The following HYDIN variants were observed in gnomAD, a reference collection of about 807,000 sequenced individuals.
HYDIN encodes axonemal central pair apparatus protein HYDIN.
A neutral mutation model predicts 403.9 loss-of-function variants in HYDIN; 132 were observed. That is an observed-to-expected ratio of 0.33 (90% CI 0.28 to 0.38). The LOEUF (loss-of-function observed/expected upper bound fraction) is 0.38, where lower values mean the gene tolerates loss of function less well. Among genes scored for constraint, HYDIN ranks in the 10% least tolerant of loss-of-function variants. The pLI, the probability that HYDIN is intolerant of heterozygous loss-of-function variation, is 1.00. For synonymous variants in HYDIN, 1,202 were observed against 1,891.7 expected (o/e 0.64, Z 9.46); for missense variants, 2,827 against 5,009.5 (o/e 0.56, Z 13.15).
intron 45 of HYDIN, among the ~76,000 whole-genome samples, chr16:70,922,760 A>G (rs1311029991): frequency 6.8e-6 from 1 of 147,716 alleles, no homozygotes; most frequent in Non-Finnish European, 1.5e-5. Flanking sequence ...TTGGAAGTTT[A>G]TATGTCTTTA....
intron 45 of HYDIN, among the ~76,000 whole-genome samples, chr16:70,922,328 G>C (rs1451634348): frequency 1.3e-5 from 2 of 152,256 alleles, no homozygotes; most frequent in Non-Finnish European, 2.9e-5. Context: ...GGAAGGACTT[G>C]TACTTGCAAG....
intron 24 of HYDIN, 117 bp from the exon 25 acceptor site, chr16:70,991,513 G>C (rs879229553): frequency 6.7e-7 from 1 of 1,485,508 alleles, no homozygotes; most frequent in Non-Finnish European, 9.0e-7. Flanking sequence ...CAAACGTAAG[G>C]GGGATTCTCA....
intron 23 of HYDIN, among the ~76,000 whole-genome samples, chr16:70,994,375 A>C (rs940092045): frequency 2.7e-4 from 41 of 152,074 alleles, no homozygotes; most frequent in African/African-American, 9.4e-4. Flanking sequence ...ACTATTCTGC[A>C]CCTTGTCTGT....
intron 45 of HYDIN, among the ~76,000 whole-genome samples, chr16:70,931,208 C>CTTTTTTTT (rs2077313550): frequency 1.3e-5 from 1 of 78,270 alleles, no homozygotes; most frequent in African/African-American, 4.0e-5. Context: ...TCTCTTTCTT[C>CTTTTTTTT]TGTTTTTTTT....
chr16:70,837,613 G>C (rs1183155064), intron 77 of HYDIN, 77 bp downstream of exon 77: 10 of 1,504,066 alleles, frequency 6.6e-6, no homozygotes, highest in Non-Finnish European at 3.7e-6. Context: ...AGGGTGAAGG[G>C]GTTCTGGGGG....
At position 70,920,803 on chromosome 16, in the gene HYDIN, G is replaced by A. The variant is rs567604956; in HGVS notation, c.7573C>T (p.Arg2525Cys). Residue 2525 changes from arginine (R) to cysteine (C), a missense_variant, in exon 46 of 86, where the codon CGC (arginine) becomes TGC (cysteine). Coordinates refer to ENST00000393567, the MANE Select transcript of HYDIN (RefSeq NM_001270974.2). ...CGCTCCGCCTTCTCCCTCTCCAGGC[G>A]CTCCTTCTCCGTGCGCTCCTTCTCC... ...RLEKERTEKERLEREKAERER... is the reference protein window; with the variant it reads ...RLEKERTEKECLEREKAERER... 74 of 1,562,352 alleles carry A rather than the reference G, an allele frequency of 4.7e-5. No individual in the cohort carries two copies. The South Asian group carries it at 4.9e-4, about 10-fold the overall frequency.
rs373937796 is a variant in HYDIN at position 71,198,483 on chromosome 16, G to T, written c.-23-11565C>A. On this transcript the variant is annotated intron_variant, in intron 1 of 85. Transcript: ENST00000393567. ...TTGCTTGTAGTTGTGAAGAATAACT[G>T]TAGAATATGCTAGGAATGCAACATC... 4.8e-4 allele frequency among the ~76,000 whole-genome samples: 73 copies of T among 152,270 alleles called. 1 individual carries two copies. Among genetic ancestry groups the T allele is most frequent in the African/African-American group, 1.6e-3 (66 of 41,556 alleles).
intron 18 of HYDIN, among the ~76,000 whole-genome samples, chr16:71,036,800 A>G (rs1447494319): frequency 6.6e-6 from 1 of 152,196 alleles, no homozygotes; most frequent in East Asian, 1.9e-4. Context: ...TACACGAGTC[A>G]GCCTCGAAAC....
intron 12 of HYDIN, chr16:71,087,626 T>C (rs955170935): frequency 5.9e-5 from 8 of 135,826 alleles, no homozygotes; most frequent in African/African-American, 2.2e-4. Flanking sequence ...TTTCAGCTAA[T>C]CTTGAGATTC....
At chr16:70,902,067 C>T (rs1399957175) in intron 52 of HYDIN, among the ~76,000 whole-genome samples, 1 of 150,752 alleles carries the variant, frequency 6.6e-6, no homozygotes, top group African/African-American at 2.4e-5. Context: ...AAAGGTCAAC[C>T]GTATTTTCCT....
rs1300583046 is a variant in HYDIN, at chr16:70,868,618, C to T, written c.11262G>A (p.Trp3754Ter). ...DWDDRMHTVK[W>*]VDVPRNMPGT... ...CAGGCATGTTTCTGGGTACGTCCACCCACTTGACTGTGTGCATGCGGTCAT... is the reference window on the plus strand; with the variant it reads ...CAGGCATGTTTCTGGGTACGTCCACTCACTTGACTGTGTGCATGCGGTCAT... The change falls in exon 66 of 86, where the codon TGG becomes TGA. Residue 3754 changes from tryptophan to a stop codon, truncating the protein, a stop_gained. Transcript: ENST00000393567. LOFTEE classifies it high-confidence loss of function. The T allele has an allele frequency of 6.2e-7, 1 of 1,613,788 alleles. No homozygotes were observed. Among genetic ancestry groups the T allele is most frequent in the Non-Finnish European group, 8.5e-7 (1 of 1,179,970 alleles).
At chr16:71,183,633 G>T (rs1006453406) in intron 3 of HYDIN, among the ~76,000 whole-genome samples, 1 of 152,074 alleles carries the variant, frequency 6.6e-6, no homozygotes. Context: ...ATGAAAATTT[G>T]TGGCCCAAGA....
chr16:71,109,307 G>A (rs866811180), intron 10 of HYDIN, among the ~76,000 whole-genome samples: 2 of 136,862 alleles, frequency 1.5e-5, no homozygotes, highest in South Asian at 4.5e-4. Flanking sequence ...ATTTAGTATT[G>A]TATATAATCC....
At chr16:71,033,488 A>G (rs1229700407) in intron 18 of HYDIN, among the ~76,000 whole-genome samples, 1 of 152,188 alleles carries the variant, frequency 6.6e-6, no homozygotes, top group Non-Finnish European at 1.5e-5. Flanking sequence ...AGGGACATGG[A>G]CGGAACTGGA....
intron 3 of HYDIN, among the ~76,000 whole-genome samples, chr16:71,184,605 A>G (rs997320466): frequency 2.7e-4 from 41 of 152,168 alleles, no homozygotes; most frequent in African/African-American, 9.4e-4. Flanking sequence ...TAACCTGTGT[A>G]AACTATAGCG....
chr16:70,831,527 ACC>A (rs1567671075), intron 80 of HYDIN, among the ~76,000 whole-genome samples: 2 of 137,252 alleles, frequency 1.5e-5, no homozygotes, highest in Admixed American at 7.2e-5. Flanking sequence ...AAAAAAAAAA[ACC>A]AAAAAAAAAA....
At chr16:71,148,635 T>C (rs2085412974) in intron 7 of HYDIN, among the ~76,000 whole-genome samples, 1 of 151,744 alleles carries the variant, frequency 6.6e-6, no homozygotes, top group Non-Finnish European at 1.5e-5. Context: ...ATAGATAAAC[T>C]GTACTTCATC....
intron 68 of HYDIN, 25 bp downstream of exon 68, chr16:70,863,060 G>A (rs368143224): frequency 6.2e-6 from 10 of 1,612,402 alleles, no homozygotes; most frequent in Non-Finnish European, 8.5e-6. Context: ...GCCAGGCCCT[G>A]GGTTTTACTT....
intron 58 of HYDIN, among the ~76,000 whole-genome samples, chr16:70,884,673 T>C (rs2041018860): frequency 1.4e-5 from 2 of 147,608 alleles, no homozygotes; most frequent in Admixed American, 1.4e-4. Context: ...TGGTATGGAA[T>C]TAGTGCTAAA....
Sources: gnomAD v4.1 joint callset for allele counts (sites outside exome capture counted in the v4.1 genomes callset) on GRCh38, gnomAD v4.1.1 for gene constraint, MANE v1.5 for transcripts, NCBI Gene and HGNC (gene_info 2026-07-23, HGNC 2026-07-21) for gene names.